Variants in IRAG2 observed in about 807,000 individuals in gnomAD.
IRAG2 encodes lymphoid restricted membrane protein.
A neutral mutation model predicts 69.9 loss-of-function variants in IRAG2; 45 were observed. That is an observed-to-expected ratio of 0.64 (90% CI 0.51 to 0.83). IRAG2 has a LOEUF of 0.83. Among genes scored for constraint, IRAG2 ranks in the 40% least tolerant of loss-of-function variants. The pLI, the probability that IRAG2 is intolerant of heterozygous loss-of-function variation, is 0.00. For missense variants in IRAG2, 520 were observed against 587.0 expected, an observed-to-expected ratio of 0.89 and a Z score of 1.18; for synonymous variants, 193 against 202.4, an observed-to-expected ratio of 0.95 and a Z score of 0.40.
intron 15 of IRAG2, among the ~76,000 whole-genome samples, chr12:25,037,296 A>AT (rs569226925): frequency 7.9e-5 from 12 of 151,538 alleles, no homozygotes; most frequent in South Asian, 6.3e-4. Context: ...TGCCAATCTA[A>AT]TTTTTTTTTG....
chr12:25,078,964 G>T (rs1236843744), intron 6 of IRAG2, among the ~76,000 whole-genome samples: 1 of 152,152 alleles, frequency 6.6e-6, no homozygotes, highest in Non-Finnish European at 1.5e-5. Context: ...AACCCTATCT[G>T]CCATTTGAGT....
In IRAG2 at chr12:25,027,580, G is replaced by C. The variant is rs191258167; in HGVS notation, c.1461+714G>C. Among the ~76,000 whole-genome samples, 10 of 151,908 alleles carry C rather than the reference G, an allele frequency of 6.6e-5. No individual in the cohort carries two copies. In the East Asian group the frequency reaches 1.8e-3, roughly 27 times the overall value. Reference sequence around the variant, plus strand: ...CAGCTAATTTTTTGTATTTTTAGTAGAGACCGGGTTTCACCATGTTAGCCA... The same window carrying C: ...CAGCTAATTTTTTGTATTTTTAGTACAGACCGGGTTTCACCATGTTAGCCA... On this transcript the variant is annotated intron_variant, in intron 9 of 38. Transcript: ENST00000636465.
intron 3 of IRAG2, chr12:25,011,627 C>T (rs1944475438): frequency 1.0e-6 from 1 of 964,282 alleles, no homozygotes; most frequent in South Asian, 5.5e-5. Flanking sequence ...ATCACTGTTT[C>T]CTGTGTTGAT....
At chr12:25,033,770 T>A (rs1306651641) in intron 12 of IRAG2, 1 of 396,754 alleles carries the variant, frequency 2.5e-6, no homozygotes, top group Non-Finnish European at 4.4e-6. Flanking sequence ...TCGTGATAAA[T>A]GGACCCTATA....
In IRAG2 at chr12:25,089,675, GAAGT is replaced by G. The variant is rs1173152625; in HGVS notation, c.437+3_437+6del. The G allele has an allele frequency of 3.7e-6, 6 of 1,608,286 alleles. No homozygotes were observed. Among genetic ancestry groups the G allele is most frequent in the Non-Finnish European group, 5.1e-6 (6 of 1,174,966 alleles). ...AATCGGTTAACCTTAGACAAAGTGA[GAAGT>G]AAGTGCTTCTTCATGTAGCATGTTA... On this transcript the variant is annotated splice_donor_variant and coding_sequence_variant, in exon 12 of 22. Transcript: ENST00000556887. LOFTEE classifies it high-confidence loss of function.
At chr12:25,056,588 A>C (rs540350748) in intron 1 of IRAG2, among the ~76,000 whole-genome samples, 33 of 152,358 alleles carry the variant, frequency 2.2e-4, no homozygotes, top group Admixed American at 5.9e-4. Context: ...TAAATAACAT[A>C]ATAAATGCAA....
chr12:25,016,250 A>T (rs1456727137), intron 5 of IRAG2, among the ~76,000 whole-genome samples: 1 of 151,872 alleles, frequency 6.6e-6, no homozygotes, highest in East Asian at 1.9e-4. Context: ...GAGCCCCGGG[A>T]TAAGATAGCA....
At chr12:25,106,714 TTTA>T (rs1338405218) in intron 20 of IRAG2, among the ~76,000 whole-genome samples, 2 of 140,758 alleles carry the variant, frequency 1.4e-5, no homozygotes, top group South Asian at 2.3e-4. Context: ...TTTCTACACA[TTTA>T]TTATTTTTCT....
intron 5 of IRAG2, among the ~76,000 whole-genome samples, chr12:25,067,714 G>T (rs1483798355): frequency 3.9e-5 from 6 of 151,978 alleles, no homozygotes. Flanking sequence ...CTGTCACCCA[G>T]GCTAGAGTAC....
intron 6 of IRAG2, among the ~76,000 whole-genome samples, chr12:25,077,213 T>C (rs1946764800): frequency 9.0e-6 from 1 of 111,052 alleles, no homozygotes; most frequent in South Asian, 2.9e-4. Context: ...ATATATGATA[T>C]ATATGAAATA....
At chr12:25,030,859 T>C in intron 10 of IRAG2, 1 of 187,074 alleles carries the variant, frequency 5.3e-6, no homozygotes, top group Non-Finnish European at 1.0e-5. Context: ...TTTTAATTTC[T>C]AACAACATAA....
Position 25,004,673 on chromosome 12 carries a change from CTG to C in IRAG2, c.334_335del (p.Val112TyrfsTer6). The C allele has an allele frequency of 8.9e-6, 11 of 1,232,044 alleles. No homozygotes were observed. The East Asian group carries it at 2.2e-4, about 25-fold the overall frequency. The allele number at this position is 1,232,044 out of a possible 1,614,324, so 76.3% of individuals were successfully genotyped here. A position where few individuals can be genotyped will look rare whatever the true frequency, so the allele number is the denominator to read the frequency against. ...AGCTCCCCTGAGACTGCAACATACT[CTG>C]TTATTCTCACAAGTTCTGAAAACGT... On this transcript the variant is annotated frameshift_variant, in exon 1 of 39. Coordinates refer to the IRAG2 transcript ENST00000636465. LOFTEE classifies it high-confidence loss of function.
At chr12:25,064,992 A>G (rs1437689011) in intron 4 of IRAG2, among the ~76,000 whole-genome samples, 3 of 152,062 alleles carry the variant, frequency 2.0e-5, no homozygotes, top group Non-Finnish European at 4.4e-5. Flanking sequence ...CAGGAGGCTG[A>G]GGCAGGAGAG....
intron 16 of IRAG2, among the ~76,000 whole-genome samples, chr12:25,039,558 G>A (rs1944730352): frequency 6.6e-6 from 1 of 152,192 alleles, no homozygotes; most frequent in African/African-American, 2.4e-5. Flanking sequence ...AGCCTCCCGA[G>A]TAGCTGGGAC....
chr12:25,091,805 A>G (rs2140178338), intron 14 of IRAG2, among the ~76,000 whole-genome samples: 1 of 152,240 alleles, frequency 6.6e-6, no homozygotes, highest in South Asian at 2.1e-4. Context: ...AGCCACCCTA[A>G]TGGATGTGAG....
upstream of IRAG2, among the ~76,000 whole-genome samples, chr12:25,002,641 CTTCTTT>C (rs999336743): frequency 2.0e-5 from 3 of 148,538 alleles, no homozygotes; most frequent in Non-Finnish European, 4.4e-5. Context: ...TCTTCTTCTT[CTTCTTT>C]TCTTTTTTTT....
chr12:25,107,272 C>A (rs1253764800), intron 21 of IRAG2, among the ~76,000 whole-genome samples: 2 of 152,018 alleles, frequency 1.3e-5, no homozygotes, highest in African/African-American at 4.8e-5. Context: ...ATGTTATATT[C>A]TATTTTATGT....
intron 3 of IRAG2, chr12:25,015,121 TTGGTCAGGC>T: frequency 1.8e-5 from 5 of 276,806 alleles, no homozygotes; most frequent in Non-Finnish European, 2.4e-5. Context: ...AAGACAAAAC[TTGGTCAGGC>T]AAAGAATCCT....
intron 10 of IRAG2, among the ~76,000 whole-genome samples, chr12:25,083,960 A>G (rs1456731061): frequency 6.6e-6 from 1 of 152,258 alleles, no homozygotes; most frequent in Non-Finnish European, 1.5e-5. Context: ...TTGAGATGGC[A>G]GGCCAGAAAA....
Sources: allele counts gnomAD v4.1 joint callset (sites outside exome capture counted in the v4.1 genomes callset), GRCh38; gene constraint gnomAD v4.1.1; transcripts MANE v1.5; gene names NCBI Gene and HGNC (gene_info 2026-07-23, HGNC 2026-07-21).